Variants in BCAS3 observed in about 807,000 individuals in gnomAD.
BCAS3 encodes BCAS4/BCAS3 fusion.
In BCAS3, 53 loss-of-function variants were observed where a neutral mutation model predicts 116.1. That is an observed-to-expected ratio of 0.46 (90% CI 0.37 to 0.57). The LOEUF (loss-of-function observed/expected upper bound fraction) is 0.57. Among genes scored for constraint, BCAS3 ranks in the 20% least tolerant of loss-of-function variants. BCAS3 has a pLI of 0.00. For synonymous variants in BCAS3, 391 were observed against 408.2 expected, an observed-to-expected ratio of 0.96 and a Z score of 0.51; for missense variants, 917 against 1,165.4, an observed-to-expected ratio of 0.79 and a Z score of 3.10.
intron 6 of BCAS3, among the ~76,000 whole-genome samples, chr17:60,764,297 G>A (rs1009356800): frequency 1.3e-5 from 2 of 151,886 alleles, no homozygotes; most frequent in Admixed American, 6.6e-5. Flanking sequence ...TAGGGTGTCA[G>A]TTTTAGATCT....
chr17:61,176,523 G>T (rs2079156995), intron 22 of BCAS3, among the ~76,000 whole-genome samples: 1 of 144,312 alleles, frequency 6.9e-6, no homozygotes, highest in African/African-American at 2.6e-5. Context: ...ATTGTGTAAT[G>T]TCTATTTATT....
chr17:60,710,644 G>T (rs1021951214), intron 5 of BCAS3, among the ~76,000 whole-genome samples: 1 of 151,708 alleles, frequency 6.6e-6, no homozygotes. Flanking sequence ...CGTTAGCCAG[G>T]ATGATCTTGA....
intron 22 of BCAS3, among the ~76,000 whole-genome samples, chr17:61,360,246 C>T (rs2058381845): frequency 6.6e-6 from 1 of 152,138 alleles, no homozygotes; most frequent in Admixed American, 6.5e-5. Context: ...CTCAGGTGAT[C>T]CACCTGCCTT....
At chr17:60,794,347 T>G (rs1598759854) in intron 6 of BCAS3, among the ~76,000 whole-genome samples, 2 of 111,986 alleles carry the variant, frequency 1.8e-5, no homozygotes, top group East Asian at 5.3e-4. Context: ...TCTCCCACTC[T>G]ATGGATTGTC....
intron 8 of BCAS3, among the ~76,000 whole-genome samples, chr17:60,869,841 A>G (rs76827595): frequency 0.03 from 4,624 of 152,306 alleles, 180 homozygotes; most frequent in East Asian, 0.092. Flanking sequence ...TCAAAAAATA[A>G]TGTGAACACA....
intron 7 of BCAS3, among the ~76,000 whole-genome samples, chr17:60,862,298 A>G (rs1387604689): frequency 1.3e-5 from 2 of 152,090 alleles, no homozygotes; most frequent in Non-Finnish European, 2.9e-5. Flanking sequence ...ACAAACAAAC[A>G]AAAAACAGAA....
At chr17:61,036,117 T>G (rs1301323238) in intron 17 of BCAS3, 3 of 152,222 alleles carry the variant, frequency 2.0e-5, no homozygotes, top group African/African-American at 4.8e-5. Flanking sequence ...TGCTTCTGTT[T>G]AGAAGAGAAT....
At chr17:60,944,376 A>G (rs1187291266) in intron 13 of BCAS3, among the ~76,000 whole-genome samples, 2 of 152,212 alleles carry the variant, frequency 1.3e-5, no homozygotes, top group East Asian at 3.9e-4. Flanking sequence ...TTAACAAAAT[A>G]TTTAATGGTA....
At chr17:61,372,179 G>C (rs2143545105) in intron 23 of BCAS3, among the ~76,000 whole-genome samples, 1 of 152,282 alleles carries the variant, frequency 6.6e-6, no homozygotes, top group South Asian at 2.1e-4. Context: ...ACTGGAGCCT[G>C]CTCTGTGTTT....
At position 61,091,343 on chromosome 17, in the gene BCAS3, C is replaced by T. The variant is rs545308624; in HGVS notation, c.2425+6779C>T. 5.7e-4 allele frequency among the ~76,000 whole-genome samples: 87 copies of T among 152,198 alleles called. 2 individuals carry two copies. Among genetic ancestry groups the T allele is most frequent in the Non-Finnish European group, 9.8e-4 (67 of 68,040 alleles). Reference sequence around the variant, plus strand: ...ACTTTTGTACATTTACTGTGCCTCTCATACAGGGCTGGACTGTTTATGTAG... The same window carrying T: ...ACTTTTGTACATTTACTGTGCCTCTTATACAGGGCTGGACTGTTTATGTAG... On this transcript the variant is annotated intron_variant, in intron 22 of 23. Transcript: ENST00000407086.
intron 13 of BCAS3, among the ~76,000 whole-genome samples, chr17:60,927,291 C>G (rs1225623801): frequency 6.7e-6 from 1 of 150,110 alleles, no homozygotes; most frequent in Non-Finnish European, 1.5e-5. Context: ...GGGTCTCGCT[C>G]TTTTGCCAGG....
rs535275618 is a variant in BCAS3, at chr17:61,316,370, G to A, written c.2426-51957G>A. On this transcript the variant is annotated intron_variant, in intron 22 of 23. Transcript: ENST00000407086. This position sits in a 1 kb window ranked among gnomAD's most constrained non-coding sequence, Gnocchi z 5.8. ...TAAATGTGTGCTGAATGTGGGAGAC[G>A]TCTTTTTTAAGGAAAGCCTAAGATG... Among the ~76,000 whole-genome samples, 2 of 152,118 alleles carry A rather than the reference G, an allele frequency of 1.3e-5. No homozygotes were observed. The highest frequency in any genetic ancestry group is 2.9e-5 in the Non-Finnish European group (2 of 68,016).
chr17:61,037,264 T>A lies in BCAS3; in HGVS notation c.1763-625T>A, dbSNP rs1434037496. Among the ~76,000 whole-genome samples the A allele has an allele frequency of 6.6e-6, 1 of 152,222 alleles. No homozygotes were observed. The highest frequency in any genetic ancestry group is 1.5e-5 in the Non-Finnish European group (1 of 68,034). On this transcript the variant is annotated intron_variant, in intron 17 of 23. Coordinates refer to ENST00000407086, the MANE Select transcript of BCAS3 (RefSeq NM_017679.5). This position sits in a 1 kb window ranked among gnomAD's most constrained non-coding sequence, Gnocchi z 4.7. ...TTTTCAGTTAGTCCATTTCCTGATA[T>A]CATTCATTTTTCATAATGTGGGACA... is the stretch of plus-strand genomic sequence containing the variant.
Position 61,346,115 on chromosome 17 carries a change from C to G in BCAS3, c.2426-22212C>G, listed in dbSNP as rs1056193662. Among the ~76,000 whole-genome samples the G allele has an allele frequency of 1.7e-4, 26 of 152,112 alleles. No individual in the cohort carries two copies. The highest frequency in any genetic ancestry group is 6.0e-4 in the African/African-American group (25 of 41,400). Reference sequence around the variant, plus strand: ...GAGAAGGTAACAGCGGGGTAGGTGCCATAATCCTTGTTGAAGTCGAGGAGT... The same window carrying G: ...GAGAAGGTAACAGCGGGGTAGGTGCGATAATCCTTGTTGAAGTCGAGGAGT... On this transcript the variant is annotated intron_variant, in intron 22 of 23. Coordinates refer to ENST00000407086, the MANE Select transcript of BCAS3 (RefSeq NM_017679.5). The surrounding 1 kb of genome is among the most constrained non-coding windows in gnomAD (Gnocchi z 5.4).
intron 22 of BCAS3, among the ~76,000 whole-genome samples, chr17:61,290,904 C>T (rs1010289136): frequency 6.6e-6 from 1 of 152,102 alleles, no homozygotes; most frequent in Non-Finnish European, 1.5e-5. Context: ...CCTCAGCCTC[C>T]CAAGTAGCTG....
Position 60,994,946 on chromosome 17 carries a change from A to G in BCAS3, c.1486+4711A>G, listed in dbSNP as rs1481253110. 6.6e-6 allele frequency among the ~76,000 whole-genome samples: 1 copy of G among 152,088 alleles called. No individual in the cohort carries two copies. The highest frequency in any genetic ancestry group is 2.4e-5 in the African/African-American group (1 of 41,430). On this transcript the variant is annotated intron_variant, in intron 15 of 23. Transcript: ENST00000407086. The surrounding 1 kb of genome is among the most constrained non-coding windows in gnomAD (Gnocchi z 4.4). ...AGCACAAAGTCTTTTTGGTGTTTCT[A>G]TTTGTATCTTGGCAGTTGACATAGA...
rs1468667478 is a variant in BCAS3 at position 60,886,727 on chromosome 17, G to A, written c.662-2968G>A. On this transcript the variant is annotated intron_variant, in intron 9 of 23. Coordinates refer to ENST00000407086, the MANE Select transcript of BCAS3 (RefSeq NM_017679.5). ...CCGTGTGAGGTGTCAGTGTGCTCCTGCTGGGGGGTGCCTCCCAGTTAGGCT... is the reference window on the plus strand; with the variant it reads ...CCGTGTGAGGTGTCAGTGTGCTCCTACTGGGGGGTGCCTCCCAGTTAGGCT... Among the ~76,000 whole-genome samples the A allele has an allele frequency of 2.0e-5, 3 of 152,110 alleles. No homozygotes were observed. In the East Asian group the frequency reaches 5.8e-4, roughly 29 times the overall value.
At chr17:61,372,962 A>G (rs933790965) in intron 23 of BCAS3, among the ~76,000 whole-genome samples, 1 of 152,148 alleles carries the variant, frequency 6.6e-6, no homozygotes, top group Non-Finnish European at 1.5e-5. Flanking sequence ...TATTAAGTAC[A>G]TTTTCTCTTT....
chr17:61,244,799 C>G lies in BCAS3; in HGVS notation c.2426-123528C>G, dbSNP rs1404043659. 2.0e-5 allele frequency among the ~76,000 whole-genome samples: 3 copies of G among 152,050 alleles called. No individual in the cohort carries two copies. Among genetic ancestry groups the G allele is most frequent in the Admixed American group, 2.0e-4 (3 of 15,262 alleles). On this transcript the variant is annotated intron_variant, in intron 22 of 23. Coordinates refer to ENST00000407086, the MANE Select transcript of BCAS3 (RefSeq NM_017679.5). The surrounding 1 kb of genome is among the most constrained non-coding windows in gnomAD (Gnocchi z 4.9). ...AATGGCATGAACCCAGGAGGCAGAG[C>G]TTGCAGTGAGCCGAGATCGCGCCAC...
Sources: gnomAD v4.1 joint callset for allele counts (sites outside exome capture counted in the v4.1 genomes callset) on GRCh38, gnomAD v4.1.1 for gene constraint, Gnocchi (gnomAD v3.1) non-coding constraint, MANE v1.5 for transcripts, NCBI Gene and HGNC (gene_info 2026-07-23, HGNC 2026-07-21) for gene names.